Variants in MICU2 observed in about 807,000 individuals in gnomAD.
MICU2 encodes the protein calcium uptake protein 2, mitochondrial.
MICU2 carries 64 observed loss-of-function variants against 60.4 expected under a neutral mutation model. That is an observed-to-expected ratio of 1.06 (90% CI 0.87 to 1.31). MICU2 has a LOEUF of 1.31. Ranked by LOEUF, MICU2 falls within the 50% of genes most tolerant of loss-of-function variation. MICU2 has a pLI of 0.00. For missense variants in MICU2, 569 were observed against 531.0 expected (o/e 1.07, Z -0.70); for synonymous variants, 201 against 175.0 (o/e 1.15, Z -1.17).
At chr13:21,564,586 GTTTT>G (rs1053623502) in intron 2 of MICU2, among the ~76,000 whole-genome samples, 1 of 152,128 alleles carries the variant, frequency 6.6e-6, no homozygotes, top group Admixed American at 6.5e-5. Flanking sequence ...GCGGTTCTCA[GTTTT>G]TTTGTTTTTC....
At chr13:21,531,547 AG>A (rs1189153343) in intron 4 of MICU2, among the ~76,000 whole-genome samples, 2 of 152,224 alleles carry the variant, frequency 1.3e-5, no homozygotes, top group East Asian at 3.8e-4. Flanking sequence ...GGGAGGAGGA[AG>A]AAAAAGTCCC....
At chr13:21,602,449 G>A (rs1888844647) in intron 1 of MICU2, among the ~76,000 whole-genome samples, 1 of 152,126 alleles carries the variant, frequency 6.6e-6, no homozygotes, top group Non-Finnish European at 1.5e-5. Flanking sequence ...GTGAACCCGG[G>A]AGGCGGAGCT....
chr13:21,547,264 T>C (rs2138012578), intron 2 of MICU2, among the ~76,000 whole-genome samples: 1 of 152,356 alleles, frequency 6.6e-6, no homozygotes, highest in East Asian at 1.9e-4. Context: ...TGGATGAGCA[T>C]GTGGGACCAG....
intron 4 of MICU2, chr13:21,530,735 C>T: frequency 4.0e-6 from 2 of 496,730 alleles, no homozygotes; most frequent in South Asian, 4.9e-5. Context: ...CGAGCCCAGA[C>T]AGCCAGAGCA....
intron 7 of MICU2, among the ~76,000 whole-genome samples, chr13:21,511,611 A>T (rs1886429486): frequency 1.3e-5 from 2 of 152,360 alleles, no homozygotes; most frequent in South Asian, 4.1e-4. Context: ...AAATATCACA[A>T]CTTGACACAG....
chr13:21,594,183 A>T (rs1056001591), intron 1 of MICU2, among the ~76,000 whole-genome samples: 1 of 152,186 alleles, frequency 6.6e-6, no homozygotes, highest in Admixed American at 6.5e-5. Flanking sequence ...ACATATTTAT[A>T]AGAAAAAAAG....
At chr13:21,589,235 A>C (rs1456194368) in intron 1 of MICU2, among the ~76,000 whole-genome samples, 1 of 152,170 alleles carries the variant, frequency 6.6e-6, no homozygotes, top group Non-Finnish European at 1.5e-5. Context: ...GATGGCTAGA[A>C]AAGTGGTTTG....
intron 2 of MICU2, among the ~76,000 whole-genome samples, chr13:21,547,325 T>C (rs970679340): frequency 1.3e-5 from 2 of 152,188 alleles, no homozygotes; most frequent in African/African-American, 4.8e-5. Context: ...TCTTAATGAT[T>C]TATCTCCTCA....
At chr13:21,529,703 T>C (rs772739759) in intron 4 of MICU2, among the ~76,000 whole-genome samples, 1 of 152,200 alleles carries the variant, frequency 6.6e-6, no homozygotes, top group Non-Finnish European at 1.5e-5. Flanking sequence ...AGAAGTTTCA[T>C]GTAAGTCACT....
At chr13:21,575,315 T>A (rs143032837) in intron 1 of MICU2, among the ~76,000 whole-genome samples, 55 of 152,136 alleles carry the variant, frequency 3.6e-4, no homozygotes, top group African/African-American at 1.3e-3. Context: ...CTGAACGGAA[T>A]ACTCATTTTT....
chr13:21,603,913 G>C, intron 1 of MICU2, 26 bp downstream of exon 1: 1 of 1,608,392 alleles, frequency 6.2e-7, no homozygotes, highest in Non-Finnish European at 8.5e-7. Flanking sequence ...CTTGACTGGG[G>C]CTAGCAGAAG....
chr13:21,577,676 G>A (rs910240798), intron 1 of MICU2, among the ~76,000 whole-genome samples: 2 of 151,582 alleles, frequency 1.3e-5, no homozygotes, highest in Admixed American at 6.6e-5. Flanking sequence ...GTGGTGGCGT[G>A]CACCTGTAAT....
intron 1 of MICU2, among the ~76,000 whole-genome samples, chr13:21,594,408 A>T (rs1406455844): frequency 1.3e-5 from 2 of 152,242 alleles, no homozygotes; most frequent in East Asian, 3.8e-4. Context: ...ATGGAGAAAT[A>T]GGAACACTTT....
intron 1 of MICU2, among the ~76,000 whole-genome samples, chr13:21,601,372 A>G (rs902655340): frequency 1.3e-5 from 2 of 152,176 alleles, no homozygotes; most frequent in African/African-American, 4.8e-5. Context: ...CTGATGCTGA[A>G]AGGAATGTCC....
chr13:21,562,867 A>G (rs1357978888), intron 2 of MICU2, among the ~76,000 whole-genome samples: 1 of 152,040 alleles, frequency 6.6e-6, no homozygotes, highest in Admixed American at 6.5e-5. Context: ...CAAGTTCCTG[A>G]TATATCGTTT....
intron 1 of MICU2, among the ~76,000 whole-genome samples, chr13:21,595,786 G>T (rs1208140008): frequency 6.6e-6 from 1 of 152,226 alleles, no homozygotes; most frequent in African/African-American, 2.4e-5. Flanking sequence ...TCTTGGAAAA[G>T]GCTCAATCCC....
At chr13:21,536,617 GCT>G (rs764732245) in intron 4 of MICU2, among the ~76,000 whole-genome samples, 1 of 152,186 alleles carries the variant, frequency 6.6e-6, no homozygotes, top group Admixed American at 6.5e-5. Flanking sequence ...ACAAGCGTGA[GCT>G]AATGCACTCA....
intron 6 of MICU2, among the ~76,000 whole-genome samples, chr13:21,516,167 A>G (rs1360322120): frequency 6.6e-6 from 1 of 152,170 alleles, no homozygotes; most frequent in Admixed American, 6.5e-5. Context: ...AAATGTACAA[A>G]TATCAGCCAA....
At chr13:21,536,792 T>A (rs1887140719) in intron 4 of MICU2, among the ~76,000 whole-genome samples, 1 of 152,252 alleles carries the variant, frequency 6.6e-6, no homozygotes, top group Non-Finnish European at 1.5e-5. Flanking sequence ...ATAATTAATT[T>A]ATCACCAATC....
Sources: allele counts gnomAD v4.1 joint callset (sites outside exome capture counted in the v4.1 genomes callset), GRCh38; gene constraint gnomAD v4.1.1; transcripts MANE v1.5; gene names NCBI Gene and HGNC (gene_info 2026-07-23, HGNC 2026-07-21).